The following RYR3 variants were observed in gnomAD, a reference collection of about 807,000 sequenced individuals.
The protein encoded by RYR3 is ryanodine receptor 3, also known as brain ryanodine receptor-calcium release channel.
In RYR3, 207 loss-of-function variants were observed where a neutral mutation model predicts 584.3. The ratio of observed to expected loss-of-function variants is 0.35; its 90% CI spans 0.32 to 0.40. RYR3 has a LOEUF of 0.40. Among genes scored for constraint, RYR3 ranks in the 10% least tolerant of loss-of-function variants. The pLI is 1.00. For missense variants in RYR3, 5,616 were observed against 6,089.2 expected, an observed-to-expected ratio of 0.92 and a Z score of 2.59; for synonymous variants, 2,416 against 2,248.5, an observed-to-expected ratio of 1.07 and a Z score of -2.11.
chr15:33,584,541 T>C lies in RYR3; in HGVS notation c.1669+51T>C, dbSNP rs1056147192. The stretch of plus-strand genomic sequence containing the variant: ...TAGAAAAGATGAAGGGTTTTTTTTT[T>C]CTTTCTGTAAAAAAAGAAAACAAAG... On this transcript the variant is annotated intron_variant, in intron 15 of 103. Transcript: ENST00000634891. The C allele has an allele frequency of 6.3e-5, 52 of 824,244 alleles. No individual in the cohort carries two copies. In the East Asian group the frequency reaches 1.4e-3, roughly 22 times the overall value. 51.1% of individuals were successfully genotyped at this position (824,244 alleles called of 1,614,324 possible). A position where few individuals can be genotyped will look rare whatever the true frequency, so the allele number is the denominator to read the frequency against.
At chr15:33,526,433 T>C (rs1484228463) in intron 3 of RYR3, among the ~76,000 whole-genome samples, 1 of 152,198 alleles carries the variant, frequency 6.6e-6, no homozygotes, top group African/African-American at 2.4e-5. Context: ...ACTGCCATCC[T>C]GATAAATCTT....
At chr15:33,825,482 G>A (rs1350727391) in intron 81 of RYR3, 121 bp from the exon 82 acceptor site, 2 of 637,020 alleles carry the variant, frequency 3.1e-6, no homozygotes, top group African/African-American at 1.8e-5. Flanking sequence ...CCTGGAATGT[G>A]TTAGTTTATT....
At chr15:33,453,098 G>A (rs2047265045) in intron 1 of RYR3, among the ~76,000 whole-genome samples, 1 of 148,062 alleles carries the variant, frequency 6.8e-6, no homozygotes, top group African/African-American at 2.5e-5. Context: ...TGAACTGCAG[G>A]CCAAAGCTTC....
intron 53 of RYR3, among the ~76,000 whole-genome samples, 179 bp downstream of exon 53, chr15:33,746,336 C>T (rs1596401943): frequency 1.3e-5 from 2 of 152,336 alleles, no homozygotes; most frequent in East Asian, 3.9e-4. Context: ...TTTCCGAGAG[C>T]CCAGCCTCAC....
intron 1 of RYR3, among the ~76,000 whole-genome samples, chr15:33,399,365 G>T (rs1014675135): frequency 6.6e-6 from 1 of 152,172 alleles, no homozygotes; most frequent in South Asian, 2.1e-4. Context: ...GAGGCCAGGC[G>T]CAGTGGCTCG....
At chr15:33,556,768 C>G (rs903329410) in intron 10 of RYR3, among the ~76,000 whole-genome samples, 4 of 152,034 alleles carry the variant, frequency 2.6e-5, no homozygotes, top group Non-Finnish European at 5.9e-5. Flanking sequence ...TTCCTCATTG[C>G]CCTTCACTCC....
Position 33,646,384 on chromosome 15 carries a change from C to A in RYR3, c.3799C>A (p.Pro1267Thr). The A allele has an allele frequency of 6.2e-7, 1 of 1,612,698 alleles. No homozygotes were observed. The highest frequency in any genetic ancestry group is 8.5e-7 in the Non-Finnish European group (1 of 1,178,932). ...GATTGATGGCACCATGGACAGCCCT[C>A]CGTGTCTCAAGGTGACGCATAAGAC... ...MRIDGTMDSP[P>T]CLKVTHKTFG... Residue 1267 changes from proline to threonine, a missense_variant, in exon 29 of 104, where the codon CCG becomes ACG. By Grantham distance (38) the Pro-to-Thr change is conservative (BLOSUM62 -1). This residue lies in a region of RYR3 where 753 missense variants were observed against 741.0 expected (regional missense o/e 1.02). Transcript: ENST00000634891.
chr15:33,736,737 G>A (rs2069501156), intron 49 of RYR3, among the ~76,000 whole-genome samples: 1 of 150,008 alleles, frequency 6.7e-6, no homozygotes. Flanking sequence ...AATCTTTTTT[G>A]TTTGTTTGTT....
chr15:33,761,314 A>C (rs1333074870), intron 60 of RYR3, among the ~76,000 whole-genome samples: 1 of 152,218 alleles, frequency 6.6e-6, no homozygotes, highest in Admixed American at 6.5e-5. Context: ...TGAATCCAGG[A>C]GCTGTTTTTT....
At chr15:33,788,800 T>C (rs1350919964) in intron 67 of RYR3, among the ~76,000 whole-genome samples, 1 of 152,230 alleles carries the variant, frequency 6.6e-6, no homozygotes, top group Non-Finnish European at 1.5e-5. Flanking sequence ...CCTGACTGTG[T>C]GTTAAGCGCT....
At chr15:33,809,269 C>T (rs546339421) in intron 70 of RYR3, among the ~76,000 whole-genome samples, 7 of 152,258 alleles carry the variant, frequency 4.6e-5, no homozygotes, top group Admixed American at 3.9e-4. Context: ...CATGATAAAC[C>T]ACAGTGCTGT....
Position 33,722,705 on chromosome 15 carries a change from T to C in RYR3, c.6620-10T>C. 6.2e-7 allele frequency: 1 copy of C among 1,609,612 alleles called. No individual in the cohort carries two copies. Among genetic ancestry groups the C allele is most frequent in the South Asian group, 1.1e-5 (1 of 90,664 alleles). On this transcript the variant is annotated splice_polypyrimidine_tract_variant and intron_variant, in intron 43 of 103. Coordinates refer to ENST00000634891, the MANE Select transcript of RYR3 (RefSeq NM_001036.6). ...TTCATTGAGAAGGAAACAGTGCCTG[T>C]CTTCCTCAGGTGAGAGTGTGGAAGA...
intron 1 of RYR3, among the ~76,000 whole-genome samples, chr15:33,450,087 T>TAAAAAAAAAAAAACAAAAAAAAAAAA (rs2046991767): frequency 1.5e-5 from 1 of 67,340 alleles, no homozygotes; most frequent in Non-Finnish European, 2.7e-5. Flanking sequence ...CATTAATACC[T>TAAAAAAAAAAAAACAAAAAAAAAAAA]AAAAAAAAAA....
chr15:33,451,765 CTTTATAG>C (rs2047150566), intron 1 of RYR3, among the ~76,000 whole-genome samples: 1 of 152,162 alleles, frequency 6.6e-6, no homozygotes, highest in Admixed American at 6.5e-5. Context: ...AATATTTCTG[CTTTATAG>C]TTTATAGGAT....
intron 19 of RYR3, among the ~76,000 whole-genome samples, chr15:33,623,164 T>G (rs1473058006): frequency 1.3e-5 from 2 of 152,224 alleles, no homozygotes; most frequent in African/African-American, 2.4e-5. Flanking sequence ...GAGCAAACTC[T>G]TGATGCCTAT....
chr15:33,689,107 C>T (rs183361682), intron 38 of RYR3, among the ~76,000 whole-genome samples: 40 of 151,630 alleles, frequency 2.6e-4, no homozygotes, highest in Non-Finnish European at 4.9e-4. Context: ...CCATTCCCAG[C>T]AAACTATCAC....
chr15:33,754,632 C>G (rs2071638246), intron 57 of RYR3, among the ~76,000 whole-genome samples: 1 of 152,166 alleles, frequency 6.6e-6, no homozygotes, highest in African/African-American at 2.4e-5. Flanking sequence ...TAAAATATAC[C>G]CAGAGGCTGG....
chr15:33,758,684 G>A (rs141747778), intron 60 of RYR3, among the ~76,000 whole-genome samples: 3,296 of 152,312 alleles, frequency 0.022, 114 homozygotes, highest in African/African-American at 0.074. Flanking sequence ...CTGGGACAGA[G>A]CACCTGGGGG....
rs1019376072 is a variant in RYR3, at chr15:33,338,659, G to T, written c.51+27563G>T. ...TCTTATTTAGGAACCGAAAGGGGGA[G>T]GCAGGTTTTCGTGACCCAGTTCCCA... On this transcript the variant is annotated intron_variant, in intron 1 of 103. Transcript: ENST00000634891. Among the ~76,000 whole-genome samples the T allele has an allele frequency of 2.6e-5, 4 of 152,228 alleles. No homozygotes were observed. The South Asian group carries it at 6.2e-4, about 24-fold the overall frequency.
Sources: gnomAD v4.1 joint callset for allele counts (sites outside exome capture counted in the v4.1 genomes callset) on GRCh38, gnomAD v4.1.1 for gene constraint, gnomAD v4.1.1 regional missense constraint, MANE v1.5 for transcripts, NCBI Gene and HGNC (gene_info 2026-07-23, HGNC 2026-07-21) for gene names.